Variants in MOGS observed in about 807,000 individuals in gnomAD.
The protein encoded by MOGS is epididymis secretory sperm binding protein.
In MOGS, 45 loss-of-function variants were observed where a neutral mutation model predicts 68.5. The observed-to-expected ratio is 0.66, with a 90% CI of 0.52 to 0.84. The LOEUF (loss-of-function observed/expected upper bound fraction) is 0.84. Ranked by LOEUF, MOGS falls within the 40% of genes least tolerant of loss-of-function variation. The probability of loss-of-function intolerance (pLI) is 0.00; values close to 1 mark genes in which losing one functional copy is unlikely to be tolerated. For missense variants in MOGS, 1,020 were observed against 1,095.0 expected (o/e 0.93, Z 0.97); for synonymous variants, 492 against 461.2 (o/e 1.07, Z -0.86).
rs1194866191 is a variant in MOGS at position 74,465,220 on chromosome 2, C to T, written c.28G>A (p.Ala10Thr). Residue 10 changes from alanine (A) to threonine (T), a missense_variant, in exon 1 of 4, where the codon GCA becomes ACA. By Grantham distance (58) the Ala-to-Thr change is moderately conservative. Coordinates refer to ENST00000448666, the MANE Select transcript of MOGS (RefSeq NM_006302.3). Reference sequence around the variant, plus strand: ...GTCCGCACTCCCTCTGCCGGCACTGCGCGGCGCCGCCGCTCGCCCCGAGCC... The same window carrying T: ...GTCCGCACTCCCTCTGCCGGCACTGTGCGGCGCCGCCGCTCGCCCCGAGCC... MARGERRRR[A>T]VPAEGVRTAE... is the part of the protein sequence containing the mutation. 3 of 1,452,430 alleles carry T rather than the reference C, an allele frequency of 2.1e-6. No individual in the cohort carries two copies. Among genetic ancestry groups the T allele is most frequent in the East Asian group, 5.3e-5 (2 of 37,754 alleles). The allele number at this position is 1,452,430 out of a possible 1,614,324, so 90.0% of individuals were successfully genotyped here. A position where few individuals can be genotyped will look rare whatever the true frequency, so the allele number is the denominator to read the frequency against.
rs750303625 is a variant in MOGS, at chr2:74,461,724, G to A, written c.2065C>T (p.Leu689Phe). 3 of 1,614,126 alleles carry A rather than the reference G, an allele frequency of 1.9e-6. No individual in the cohort carries two copies. The highest frequency in any genetic ancestry group is 1.7e-6 in the Non-Finnish European group (2 of 1,180,056). Residue 689 changes from leucine (L) to phenylalanine (F), a missense_variant, in exon 4 of 4, where the codon CTT (leucine) becomes TTT (phenylalanine). By Grantham distance (22) the Leu-to-Phe change is conservative (BLOSUM62 0). Coordinates refer to ENST00000448666, the MANE Select transcript of MOGS (RefSeq NM_006302.3). ...AAGGGAAAAAGACTGACATAGCCAA[G>A]AGCATCTACATACTGCAGTTGAGGT... ...PQPQLQYVDA[L>F]GYVSLFPLLL...
At position 74,462,739 on chromosome 2, in the gene MOGS, T is replaced by C; in HGVS notation, c.1050A>G (p.Pro350=). The change falls in exon 4 of 4, where the codon CCA becomes CCG. Residue 350 remains proline (P), a synonymous_variant. Transcript: ENST00000448666. ...GGGTCAGTAGACTGCCTGCCAGTCT[T>C]GGCAGGGCTTGATTTCCTCCTGCCT... ...SAQAGGNQAL[P]RLAGSLLTQA... 6.2e-7 allele frequency: 1 copy of C among 1,614,240 alleles called. No homozygotes were observed.
In MOGS at chr2:74,462,551, G is replaced by C; in HGVS notation, c.1238C>G (p.Pro413Arg). The C allele has an allele frequency of 6.2e-7, 1 of 1,611,272 alleles. No individual in the cohort carries two copies. The highest frequency in any genetic ancestry group is 1.3e-5 in the African/African-American group (1 of 74,936). Residue 413 changes from proline (P) to arginine (R), a missense_variant, in exon 4 of 4, where the codon CCA (proline) becomes CGA (arginine). Pro to Arg is a moderately radical substitution (Grantham distance 103). Transcript: ENST00000448666. ...GYFYGQGLVL[P>R]DIGVEGSEQK... ...CTCAGACCCTTCCACCCCGATGTCTGGCAATACCAGCCCTTGTCCGTAGAA... is the reference window on the plus strand; with the variant it reads ...CTCAGACCCTTCCACCCCGATGTCTCGCAATACCAGCCCTTGTCCGTAGAA...
chr2:74,461,190 A>G lies in MOGS; in HGVS notation c.*85T>C, dbSNP rs1671891734. ...GGAAGGTTTGAATTACTGGTATCCA[A>G]GGGGCTGGGGGCAAAAGCCAGAAGC... is the stretch of plus-strand genomic sequence containing the variant. On this transcript the variant is annotated 3_prime_UTR_variant, in exon 4 of 4. Coordinates refer to ENST00000448666, the MANE Select transcript of MOGS (RefSeq NM_006302.3). 1 of 1,531,712 alleles carries G rather than the reference A, an allele frequency of 6.5e-7. No homozygotes were observed. Among genetic ancestry groups the G allele is most frequent in the Non-Finnish European group, 8.9e-7 (1 of 1,118,076 alleles). The allele number at this position is 1,531,712 out of a possible 1,614,324, so 94.9% of individuals were successfully genotyped here. A position where few individuals can be genotyped will look rare whatever the true frequency, so the allele number is the denominator to read the frequency against.
Position 74,465,117 on chromosome 2 carries a change from A to C in MOGS, c.131T>G (p.Val44Gly), listed in dbSNP as rs776390849. The C allele has an allele frequency of 6.5e-7, 1 of 1,541,578 alleles. No individual in the cohort carries two copies. Among genetic ancestry groups the C allele is most frequent in the Non-Finnish European group, 8.7e-7 (1 of 1,147,932 alleles). ...AGACAGGACCACGACGGCCAGAGCC[A>C]CTCCTCCAGCCGTGCTACGCGGCCC... is the stretch of plus-strand genomic sequence containing the variant. ...GGGPRSTAGGVALAVVVLSLA... is the reference protein window; with the variant it reads ...GGGPRSTAGGGALAVVVLSLA... The change falls in exon 1 of 4, where the codon GTG becomes GGG. Residue 44 changes from valine (V) to glycine (G), a missense_variant. Physicochemically the swap from Val to Gly is moderately radical, Grantham distance 109. Coordinates refer to ENST00000448666, the MANE Select transcript of MOGS (RefSeq NM_006302.3).
rs1256561772 is a variant in MOGS, at chr2:74,464,533, C to G, written c.542G>C (p.Gly181Ala). 6.2e-7 allele frequency: 1 copy of G among 1,614,162 alleles called. No homozygotes were observed. The highest frequency in any genetic ancestry group is 1.1e-5 in the South Asian group (1 of 91,086). The change falls in exon 2 of 4, where the codon GGA becomes GCA. Residue 181 changes from glycine to alanine, a missense_variant. Transcript: ENST00000448666. ...EFVKRPGGQH[G>A]GDWSWRVTVE... The stretch of plus-strand genomic sequence containing the variant: ...AGTCACTCTCCAGCTCCAGTCCCCT[C>G]CGTGCTGACCCCCAGGCCTCTTGAC...
Position 74,461,255 on chromosome 2 carries a change from C to T in MOGS, c.*20G>A. 1 of 1,613,476 alleles carries T rather than the reference C, an allele frequency of 6.2e-7. No individual in the cohort carries two copies. The highest frequency in any genetic ancestry group is 1.1e-5 in the South Asian group (1 of 91,038). ...AGCCAGAGTGGCATGAGTGTCTTGG[C>T]TCCCCTCCTCTCCCTCCCTTCAGTA... On this transcript the variant is annotated 3_prime_UTR_variant, in exon 4 of 4. Transcript: ENST00000448666.
Position 74,461,156 on chromosome 2 carries a change from A to G in MOGS, c.*119T>C. 1.8e-6 allele frequency: 2 copies of G among 1,123,450 alleles called. No homozygotes were observed. The highest frequency in any genetic ancestry group is 2.6e-6 in the Non-Finnish European group (2 of 764,090). The allele number at this position is 1,123,450 out of a possible 1,614,324, so 69.6% of individuals were successfully genotyped here. A position where few individuals can be genotyped will look rare whatever the true frequency, so the allele number is the denominator to read the frequency against. On this transcript the variant is annotated 3_prime_UTR_variant, in exon 4 of 4. Coordinates refer to ENST00000448666, the MANE Select transcript of MOGS (RefSeq NM_006302.3). ...GGATGACAGCAAGGAGACACCTGAG[A>G]TGAAATGAGGAAGGTTTGAATTACT...
At chr2:74,464,763 C>G (rs1237398680) in intron 1 of MOGS, 41 bp from the exon 2 acceptor site, 1 of 1,592,718 alleles carries the variant, frequency 6.3e-7, no homozygotes, top group Non-Finnish European at 8.6e-7. Context: ...AGCAGGGGAC[C>G]TGTCCCTCCG....
Position 74,461,076 on chromosome 2 carries a change from TCCAA to T in MOGS, c.*195_*198del. The T allele has an allele frequency of 1.4e-6, 1 of 702,044 alleles. No individual in the cohort carries two copies. Among genetic ancestry groups the T allele is most frequent in the Admixed American group, 2.7e-5 (1 of 36,386 alleles). The allele number at this position is 702,044 out of a possible 1,614,324, so 43.5% of individuals were successfully genotyped here. A position where few individuals can be genotyped will look rare whatever the true frequency, so the allele number is the denominator to read the frequency against. On this transcript the variant is annotated 3_prime_UTR_variant, in exon 4 of 4. Transcript: ENST00000448666. Reference sequence around the variant, plus strand: ...AAGCAATAGAGTTCAAAATGTTTTTTCCAATTTATTTAGAAAAATAGACTCTGGA... The same window carrying T: ...AAGCAATAGAGTTCAAAATGTTTTTTTTTATTTAGAAAAATAGACTCTGGA...
Position 74,461,183 on chromosome 2 carries a change from G to A in MOGS, c.*92C>T, listed in dbSNP as rs750097253. ...GAAATGAGGAAGGTTTGAATTACTG[G>A]TATCCAAGGGGCTGGGGGCAAAAGC... On this transcript the variant is annotated 3_prime_UTR_variant, in exon 4 of 4. Coordinates refer to ENST00000448666, the MANE Select transcript of MOGS (RefSeq NM_006302.3). 2.4e-5 allele frequency: 35 copies of A among 1,431,942 alleles called. No individual in the cohort carries two copies. Among genetic ancestry groups the A allele is most frequent in the Admixed American group, 3.5e-5 (2 of 57,192 alleles). 88.7% of individuals were successfully genotyped at this position (1,431,942 alleles called of 1,614,324 possible). A position where few individuals can be genotyped will look rare whatever the true frequency, so the allele number is the denominator to read the frequency against.
chr2:74,463,480 C>T (rs574529666), intron 2 of MOGS, 94 bp from the exon 3 acceptor site: 2 of 1,320,462 alleles, frequency 1.5e-6, no homozygotes, highest in East Asian at 4.7e-5. Context: ...GGGAAAGGAA[C>T]AGTAGGCAGG....
Position 74,463,170 on chromosome 2 carries a change from C to T in MOGS, c.776+20G>A, listed in dbSNP as rs761386158. The stretch of plus-strand genomic sequence containing the variant: ...AATAACCACCCCTTCCATCCCCCAA[C>T]ATTCTTTTCCCCCAGTTACCTGCCA... On this transcript the variant is annotated intron_variant, in intron 3 of 3. Transcript: ENST00000448666. 4 of 1,613,868 alleles carry T rather than the reference C, an allele frequency of 2.5e-6. No individual in the cohort carries two copies. Among genetic ancestry groups the T allele is most frequent in the Non-Finnish European group, 3.4e-6 (4 of 1,179,908 alleles).
Position 74,463,019 on chromosome 2 carries a change from G to C in MOGS, c.777-7C>G, listed in dbSNP as rs1671972783. 1.2e-6 allele frequency: 2 copies of C among 1,613,984 alleles called. No homozygotes were observed. The highest frequency in any genetic ancestry group is 1.7e-6 in the Non-Finnish European group (2 of 1,180,006). On this transcript the variant is annotated splice_polypyrimidine_tract_variant and splice_region_variant and intron_variant, in intron 3 of 3. Transcript: ENST00000448666. ...GGTCCAGAAGACATTGTAGCTTGAA[G>C]GGGAGAAGATAAATAGGAAATATTA...
At position 74,462,207 on chromosome 2, in the gene MOGS, G is replaced by C. The variant is rs1298965577; in HGVS notation, c.1582C>G (p.Pro528Ala). The C allele has an allele frequency of 6.2e-7, 1 of 1,614,166 alleles. No homozygotes were observed. The change falls in exon 4 of 4, where the codon CCT becomes GCT. Residue 528 changes from proline (P) to alanine (A), a missense_variant. Pro to Ala is a conservative substitution (Grantham distance 27, BLOSUM62 -1). Coordinates refer to ENST00000448666, the MANE Select transcript of MOGS (RefSeq NM_006302.3). ...TTTCGGAGGAAAGCCAAGTCGTCAG[G>C]GTCACCAACCTCTAGCATATGGGCT... Reference protein sequence around the residue: ...PVAHMLEVGDPDDLAFLRKAL... With the variant: ...PVAHMLEVGDADDLAFLRKAL...
chr2:74,462,780 C>G lies in MOGS; in HGVS notation c.1009G>C (p.Glu337Gln). The G allele has an allele frequency of 6.2e-7, 1 of 1,614,230 alleles. No homozygotes were observed. Among genetic ancestry groups the G allele is most frequent in the South Asian group, 1.1e-5 (1 of 91,084 alleles). Reference sequence around the variant, plus strand: ...CCTCCTGCCTGGGCACTGCCTGATTCAAACACAAACTCTATGGAAATGGGA... The same window carrying G: ...CCTCCTGCCTGGGCACTGCCTGATTGAAACACAAACTCTATGGAAATGGGA... ...KIPISIEFVFESGSAQAGGNQ... is the reference protein window; with the variant it reads ...KIPISIEFVFQSGSAQAGGNQ... Residue 337 changes from glutamate to glutamine, a missense_variant, in exon 4 of 4, where the codon GAA becomes CAA. This residue lies in a region of MOGS where 569 missense variants were observed against 571.9 expected (regional missense o/e 0.99). Coordinates refer to ENST00000448666, the MANE Select transcript of MOGS (RefSeq NM_006302.3).
At position 74,464,987 on chromosome 2, in the gene MOGS, G is replaced by T. The variant is rs772958580; in HGVS notation, c.261C>A (p.Ser87Arg). The T allele has an allele frequency of 1.7e-5, 26 of 1,562,516 alleles. No homozygotes were observed. The South Asian group carries it at 3.0e-4, about 18-fold the overall frequency. The change falls in exon 1 of 4, where the codon AGC becomes AGA. Residue 87 changes from serine to arginine, a missense_variant. Coordinates refer to ENST00000448666, the MANE Select transcript of MOGS (RefSeq NM_006302.3). ...APPVLPADSS[S>R]PAVAPDLFWG... ...AGAAGAGGTCCGGGGCCACGGCGGG[G>T]CTGGAGGAGTCGGCAGGCAACACAG...
In MOGS at chr2:74,462,984, C is replaced by G. The variant is rs893153204; in HGVS notation, c.805G>C (p.Gly269Arg). Residue 269 changes from glycine (G) to arginine (R), a missense_variant, in exon 4 of 4, where the codon GGA becomes CGA. Physicochemically the swap from Gly to Arg is moderately radical, Grantham distance 125. Around this residue, in one of 3 missense-constraint regions of MOGS, gnomAD observed 569 missense variants for 571.9 expected, o/e 0.99. Coordinates refer to ENST00000448666, the MANE Select transcript of MOGS (RefSeq NM_006302.3). Reference sequence around the variant, plus strand: ...ACCATCTCTGTCAGCAGGGGCAGTCCTGGGTTGGAGGTCCAGAAGACATTG... The same window carrying G: ...ACCATCTCTGTCAGCAGGGGCAGTCGTGGGTTGGAGGTCCAGAAGACATTG... ...SYNVFWTSNP[G>R]LPLLTEMVKS... 1 of 1,614,084 alleles carries G rather than the reference C, an allele frequency of 6.2e-7. No individual in the cohort carries two copies. The highest frequency in any genetic ancestry group is 8.5e-7 in the Non-Finnish European group (1 of 1,180,036).
At position 74,461,487 on chromosome 2, in the gene MOGS, G is replaced by A; in HGVS notation, c.2302C>T (p.His768Tyr). Residue 768 changes from histidine (H) to tyrosine (Y), a missense_variant, in exon 4 of 4, where the codon CAC becomes TAC. Transcript: ENST00000448666. ...TGAGGACCCTCCAGATGCCCATAGT[G>A]GTGGAGTGCTCCCAAAGCCAGGTAG... ...VNYLALGALHHYGHLEGPHQA... is the reference protein window; with the variant it reads ...VNYLALGALHYYGHLEGPHQA... The A allele has an allele frequency of 6.2e-7, 1 of 1,614,096 alleles. No homozygotes were observed. The highest frequency in any genetic ancestry group is 8.5e-7 in the Non-Finnish European group (1 of 1,179,984).
Sources: gnomAD v4.1 joint callset for allele counts on GRCh38, gnomAD v4.1.1 for gene constraint, gnomAD v4.1.1 regional missense constraint, MANE v1.5 for transcripts, NCBI Gene and HGNC (gene_info 2026-07-23, HGNC 2026-07-21) for gene names.